The following PIP5K1A variants were observed in gnomAD, a reference collection of about 807,000 sequenced individuals.
The protein encoded by PIP5K1A is phosphatidylinositol-4-phosphate 5-kinase type 1 alpha, also known as phosphatidylinositol 4-phosphate 5-kinase type-1 alpha.
In PIP5K1A, 46 loss-of-function variants were observed where a neutral mutation model predicts 72.9. The ratio of observed to expected loss-of-function variants is 0.63; its 90% confidence interval spans 0.50 to 0.81. The LOEUF is 0.81. Among genes scored for constraint, PIP5K1A ranks in the 30% least tolerant of loss-of-function variants. The probability of loss-of-function intolerance (pLI) is 0.00; values close to 1 mark genes in which losing one functional copy is unlikely to be tolerated. For synonymous variants in PIP5K1A, 228 were observed against 255.1 expected (o/e 0.89, Z 1.01); for missense variants, 458 against 706.1 (o/e 0.65, Z 3.98).
chr1:151,204,206 C>T (rs1048213826), intron 1 of PIP5K1A, among the ~76,000 whole-genome samples: 6 of 152,166 alleles, frequency 3.9e-5, no homozygotes, highest in East Asian at 1.9e-4. Context: ...GATGGAGTTT[C>T]GCTCTTGTTG....
chr1:151,207,944 A>T (rs1192837431), intron 1 of PIP5K1A, among the ~76,000 whole-genome samples: 1 of 143,552 alleles, frequency 7.0e-6, no homozygotes, highest in African/African-American at 2.6e-5. Flanking sequence ...GGCTCACTGC[A>T]TCCTCCTCCT....
intron 1 of PIP5K1A, among the ~76,000 whole-genome samples, chr1:151,208,749 T>G (rs1411712646): frequency 2.4e-5 from 3 of 125,856 alleles, no homozygotes; most frequent in Non-Finnish European, 3.4e-5. Context: ...TTTTTTTTTT[T>G]GGAGACGGAG....
At chr1:151,225,383 A>G (rs1472421917) in intron 3 of PIP5K1A, among the ~76,000 whole-genome samples, 1 of 151,966 alleles carries the variant, frequency 6.6e-6, no homozygotes, top group East Asian at 1.9e-4. Context: ...TATTGATGTT[A>G]TGAAGAGTAA....
intron 15 of PIP5K1A, 136 bp downstream of exon 15, chr1:151,247,101 A>T (rs1401318154): frequency 2.4e-6 from 1 of 414,532 alleles, no homozygotes; most frequent in Non-Finnish European, 4.4e-6. Context: ...ATTTTTTATT[A>T]TTTTTTTATT....
rs117490723 is a variant in PIP5K1A, at chr1:151,199,753, C to T, written c.85+672C>T. ...AGGTGGAATCTAAGTTGATTGTGGGCTAATTGGATGAAAATGTTGAAGAGA... is the reference window on the plus strand; with the variant it reads ...AGGTGGAATCTAAGTTGATTGTGGGTTAATTGGATGAAAATGTTGAAGAGA... On this transcript the variant is annotated intron_variant, in intron 1 of 15. Transcript: ENST00000368888. 7.2e-4 allele frequency among the ~76,000 whole-genome samples: 109 copies of T among 152,072 alleles called. 1 individual carries two copies. In the East Asian group the frequency reaches 0.012, roughly 17 times the overall value.
chr1:151,208,208 C>A (rs116576957), intron 1 of PIP5K1A, among the ~76,000 whole-genome samples: 3,750 of 152,078 alleles, frequency 0.025, 146 homozygotes, highest in African/African-American at 0.085. Flanking sequence ...GCTGAGGTGA[C>A]CCCAGGACTG....
intron 1 of PIP5K1A, among the ~76,000 whole-genome samples, chr1:151,211,300 A>G (rs984408776): frequency 9.2e-5 from 14 of 151,772 alleles, no homozygotes; most frequent in Non-Finnish European, 1.2e-4. Context: ...CAGCCTGGGT[A>G]ACATAGTGAA....
chr1:151,225,969 G>A (rs1477894005), intron 3 of PIP5K1A, among the ~76,000 whole-genome samples: 3 of 151,738 alleles, frequency 2.0e-5, no homozygotes, highest in Non-Finnish European at 4.4e-5. Flanking sequence ...GTTGGAGATG[G>A]AGATTTGCCA....
intron 1 of PIP5K1A, among the ~76,000 whole-genome samples, chr1:151,223,096 A>G (rs988747737): frequency 6.6e-6 from 1 of 152,098 alleles, no homozygotes; most frequent in Non-Finnish European, 1.5e-5. Flanking sequence ...CACCCCTGTG[A>G]TCCCAGCACT....
rs1570891370 is a variant in PIP5K1A, at chr1:151,224,411, G to A, written c.156+5G>A. 2 of 1,579,194 alleles carry A rather than the reference G, an allele frequency of 1.3e-6. No individual in the cohort carries two copies. Among genetic ancestry groups the A allele is most frequent in the Admixed American group, 3.3e-5 (2 of 59,796 alleles). On this transcript the variant is annotated splice_donor_5th_base_variant and intron_variant, in intron 3 of 15. Transcript: ENST00000368888. ...CAGGATTCTTACATCTCATTGGTAG[G>A]CTAGAAATTATGCAACTCATCTTTT...
chr1:151,236,814 T>C (rs1172902820), intron 9 of PIP5K1A, 51 bp downstream of exon 9: 2 of 1,090,390 alleles, frequency 1.8e-6, no homozygotes, highest in Admixed American at 2.9e-5. Context: ...CACAGCACTT[T>C]TCTTTTCTTT....
At chr1:151,202,179 A>G (rs587739201) in intron 1 of PIP5K1A, among the ~76,000 whole-genome samples, 1 of 152,328 alleles carries the variant, frequency 6.6e-6, no homozygotes, top group South Asian at 2.1e-4. Flanking sequence ...AAAACTGTCA[A>G]TATGTCCTTG....
chr1:151,229,840 T>C (rs964627309), intron 4 of PIP5K1A, among the ~76,000 whole-genome samples: 2 of 151,358 alleles, frequency 1.3e-5, no homozygotes, highest in African/African-American at 4.8e-5. Context: ...TCCCAGCACT[T>C]TGGGAGGCCG....
intron 1 of PIP5K1A, among the ~76,000 whole-genome samples, chr1:151,213,098 T>C (rs1478898496): frequency 2.0e-5 from 3 of 152,112 alleles, no homozygotes; most frequent in East Asian, 1.9e-4. Context: ...TTCACTGTGT[T>C]AGCCAGGATG....
chr1:151,225,592 C>T (rs587649733), intron 3 of PIP5K1A, among the ~76,000 whole-genome samples: 83 of 151,898 alleles, frequency 5.5e-4, no homozygotes, highest in African/African-American at 1.9e-3. Flanking sequence ...GCCTCAGCCT[C>T]CCAAGCAGCT....
chr1:151,227,322 G>T lies in PIP5K1A; in HGVS notation c.159G>T (p.Val53=). ...TATAATCTTGACTCTTCTTCTAGGT[G>T]CCTTATGCCTCTGGCATGCCCATCA... ...EARQDSYISL[V]PYASGMPIKK... Residue 53 remains valine (V), a splice_region_variant and synonymous_variant, in exon 4 of 16, where the codon GTG becomes GTT. Coordinates refer to ENST00000368888, the MANE Select transcript of PIP5K1A (RefSeq NM_001135638.2). 1.2e-6 allele frequency: 2 copies of T among 1,602,362 alleles called. No individual in the cohort carries two copies.
rs868740467 is a variant in PIP5K1A at position 151,215,337 on chromosome 1, C to T, written c.86-8908C>T. On this transcript the variant is annotated intron_variant, in intron 1 of 15. Coordinates refer to ENST00000368888, the MANE Select transcript of PIP5K1A (RefSeq NM_001135638.2). The stretch of plus-strand genomic sequence containing the variant: ...ACAGGCGTGAGCCACCGCACCCGGC[C>T]TTTTTTTTTTTTTGAAAAGGAGTCT... Among the ~76,000 whole-genome samples, 20 of 142,528 alleles carry T rather than the reference C, an allele frequency of 1.4e-4. 1 individual carries two copies. The allele number at this position is 142,528 out of a possible 152,430, so 93.5% of individuals were successfully genotyped here.
At chr1:151,212,181 G>A (rs1296505408) in intron 1 of PIP5K1A, among the ~76,000 whole-genome samples, 4 of 151,778 alleles carry the variant, frequency 2.6e-5, no homozygotes, top group Admixed American at 1.3e-4. Flanking sequence ...TGGCTGGTGC[G>A]GTAGCTTAAC....
chr1:151,240,274 TG>T, intron 12 of PIP5K1A: 1 of 501,644 alleles, frequency 2.0e-6, no homozygotes, highest in East Asian at 3.8e-5. Context: ...GGACCATTTC[TG>T]GGGAATTGGG....
Sources: gnomAD v4.1 joint callset for allele counts (sites outside exome capture counted in the v4.1 genomes callset) on GRCh38, gnomAD v4.1.1 for gene constraint, MANE v1.5 for transcripts, NCBI Gene and HGNC (gene_info 2026-07-23, HGNC 2026-07-21) for gene names.